The following COL8A1 variants were observed in gnomAD, a reference collection of about 807,000 sequenced individuals.
COL8A1 encodes collagen alpha-1(VIII) chain.
COL8A1 carries 21 observed loss-of-function variants against 42.7 expected under a neutral mutation model. The ratio of observed to expected loss-of-function variants is 0.49; its 90% CI spans 0.35 to 0.71. The LOEUF is 0.71. COL8A1 is among the 30% of genes least tolerant of loss of function. COL8A1 has a pLI of 0.01. For synonymous variants in COL8A1, 367 were observed against 369.1 expected (o/e 0.99, Z 0.06); for missense variants, 788 against 962.4 (o/e 0.82, Z 2.40).
intron 1 of COL8A1, among the ~76,000 whole-genome samples, chr3:99,691,217 G>A (rs1043286769): frequency 1.3e-5 from 2 of 152,260 alleles, no homozygotes; most frequent in African/African-American, 2.4e-5. Context: ...AGCCCAGAAC[G>A]CCTTCTAAGA....
chr3:99,682,550 T>C (rs1365847699), intron 1 of COL8A1, among the ~76,000 whole-genome samples: 1 of 152,064 alleles, frequency 6.6e-6, no homozygotes, highest in East Asian at 1.9e-4. Context: ...TTTTAAATCC[T>C]TATAAGGTTG....
At chr3:99,687,944 G>C (rs935007790) in intron 1 of COL8A1, among the ~76,000 whole-genome samples, 3 of 152,142 alleles carry the variant, frequency 2.0e-5, no homozygotes, top group African/African-American at 7.2e-5. Context: ...CAGCACAAGA[G>C]AGTTGGCTTA....
chr3:99,755,267 A>C lies in COL8A1; in HGVS notation c.-4+10246A>C, dbSNP rs190273529. On this transcript the variant is annotated intron_variant, in intron 2 of 3. Coordinates refer to ENST00000652472, the MANE Select transcript of COL8A1 (RefSeq NM_020351.4). Reference sequence around the variant, plus strand: ...TTGGCCCCACAATTATAGTTTAACAATCAAATCCTGAAATAAGATGACTCC... The same window carrying C: ...TTGGCCCCACAATTATAGTTTAACACTCAAATCCTGAAATAAGATGACTCC... Among the ~76,000 whole-genome samples the C allele has an allele frequency of 3.9e-5, 6 of 152,334 alleles. No individual in the cohort carries two copies. The East Asian group carries it at 5.8e-4, about 15-fold the overall frequency.
chr3:99,689,495 C>G (rs1321149965), intron 1 of COL8A1, among the ~76,000 whole-genome samples: 1 of 152,132 alleles, frequency 6.6e-6, no homozygotes, highest in African/African-American at 2.4e-5. Context: ...GCCCTGGAAC[C>G]CATTTCTTGG....
At chr3:99,771,763 C>A (rs1941585612) in intron 2 of COL8A1, among the ~76,000 whole-genome samples, 1 of 152,122 alleles carries the variant, frequency 6.6e-6, no homozygotes, top group South Asian at 2.1e-4. Flanking sequence ...CTAGGCATGG[C>A]TAGGTTTTCA....
At chr3:99,694,169 A>G (rs2107338153) in intron 1 of COL8A1, among the ~76,000 whole-genome samples, 1 of 152,264 alleles carries the variant, frequency 6.6e-6, no homozygotes, top group South Asian at 2.1e-4. Context: ...CTATCATGTG[A>G]CAGATAATTG....
chr3:99,705,278 G>A (rs141326895), intron 1 of COL8A1, among the ~76,000 whole-genome samples: 2 of 152,302 alleles, frequency 1.3e-5, no homozygotes, highest in Non-Finnish European at 2.9e-5. Context: ...TGGAGCCTCT[G>A]TTATGAATTA....
rs116761426 is a variant in COL8A1, at chr3:99,751,107, T to A, written c.-4+6086T>A. Among the ~76,000 whole-genome samples, 1,071 of 152,286 alleles carry A rather than the reference T, an allele frequency of 7.0e-3. 13 individuals carry two copies. Among genetic ancestry groups the A allele is most frequent in the African/African-American group, 0.024 (990 of 41,558 alleles). On this transcript the variant is annotated intron_variant, in intron 2 of 3. Transcript: ENST00000652472. ...TTGGTCTTATAATTTCTTTCATGAA[T>A]ACTAAAATTTTACTACAAAGAAAAT...
Position 99,790,705 on chromosome 3 carries a change from T to A in COL8A1, c.23T>A (p.Leu8Gln), listed in dbSNP as rs777846289. The part of the protein sequence containing the change: MAVLPGP[L>Q]QLLGVLLTIS... ...GTGATGGCTGTGCTGCCTGGCCCTC[T>A]GCAGCTGCTGGGAGTGCTGCTTACC... Residue 8 changes from leucine to glutamine, a missense_variant, in exon 3 of 4, where the codon CTG becomes CAG. Physicochemically the swap from Leu to Gln is moderately radical, Grantham distance 113. This residue lies in a region of COL8A1 where 421 missense variants were observed against 553.1 expected (regional missense o/e 0.76). Transcript: ENST00000652472. 55 of 1,614,052 alleles carry A rather than the reference T, an allele frequency of 3.4e-5. No individual in the cohort carries two copies. Among genetic ancestry groups the A allele is most frequent in the Non-Finnish European group, 4.3e-5 (51 of 1,180,026 alleles).
At chr3:99,733,749 G>C (rs2107388342) in intron 1 of COL8A1, among the ~76,000 whole-genome samples, 1 of 151,424 alleles carries the variant, frequency 6.6e-6, no homozygotes, top group African/African-American at 2.4e-5. Flanking sequence ...GGTTGAACTA[G>C]TTTACAGTCC....
chr3:99,719,715 G>A (rs971092436), intron 1 of COL8A1, among the ~76,000 whole-genome samples: 5 of 152,070 alleles, frequency 3.3e-5, no homozygotes, highest in African/African-American at 1.2e-4. Context: ...AAGAAAGTAT[G>A]GTGACTTCAT....
chr3:99,743,876 A>G (rs1427858436), intron 1 of COL8A1, among the ~76,000 whole-genome samples: 2 of 152,176 alleles, frequency 1.3e-5, no homozygotes, highest in African/African-American at 4.8e-5. Flanking sequence ...ATTTATCTAA[A>G]TGACTGAAGT....
At chr3:99,673,869 G>A (rs1257010891) in intron 1 of COL8A1, among the ~76,000 whole-genome samples, 7 of 151,960 alleles carry the variant, frequency 4.6e-5, no homozygotes, top group Non-Finnish European at 7.4e-5. Context: ...GAACAATAAG[G>A]ATGATGATGT....
intron 1 of COL8A1, among the ~76,000 whole-genome samples, chr3:99,667,911 G>A (rs1938415583): frequency 6.6e-6 from 1 of 151,916 alleles, no homozygotes; most frequent in African/African-American, 2.4e-5. Flanking sequence ...TAAGAAATTA[G>A]CTCCAACTGA....
intron 3 of COL8A1, among the ~76,000 whole-genome samples, chr3:99,793,250 C>G (rs1040442803): frequency 6.6e-6 from 1 of 151,340 alleles, no homozygotes; most frequent in Admixed American, 6.6e-5. Context: ...ATGTATTACA[C>G]ACTTCAAAAT....
At chr3:99,779,308 C>A (rs1014194250) in intron 2 of COL8A1, among the ~76,000 whole-genome samples, 2 of 152,106 alleles carry the variant, frequency 1.3e-5, no homozygotes, top group African/African-American at 4.8e-5. Flanking sequence ...TATTATTATT[C>A]AAGTCCCCCA....
intron 1 of COL8A1, among the ~76,000 whole-genome samples, chr3:99,734,221 G>T (rs1213103282): frequency 7.1e-6 from 1 of 141,838 alleles, no homozygotes; most frequent in Non-Finnish European, 1.5e-5. Flanking sequence ...TGAAGTCCTT[G>T]CCCATGCCTA....
At position 99,775,355 on chromosome 3, in the gene COL8A1, C is replaced by T. The variant is rs578045522; in HGVS notation, c.-3-15325C>T. 3.3e-5 allele frequency among the ~76,000 whole-genome samples: 5 copies of T among 152,178 alleles called. No individual in the cohort carries two copies. The East Asian group carries it at 9.7e-4, about 29-fold the overall frequency. On this transcript the variant is annotated intron_variant, in intron 2 of 3. Coordinates refer to ENST00000652472, the MANE Select transcript of COL8A1 (RefSeq NM_020351.4). The stretch of plus-strand genomic sequence containing the variant: ...TGGCAGGATTTGCCCCATCCATGTG[C>T]ATGTTTGGGAAGCACGAGACCCTCT...
rs144944774 is a variant in COL8A1 at position 99,709,096 on chromosome 3, C to T, written c.-128-35801C>T. On this transcript the variant is annotated intron_variant, in intron 1 of 3. Transcript: ENST00000652472. Reference sequence around the variant, plus strand: ...TCTTGGCCCTTTTTGCTCTTTCTGTCTGCCTAGACATCTTGTCCTCCAACC... The same window carrying T: ...TCTTGGCCCTTTTTGCTCTTTCTGTTTGCCTAGACATCTTGTCCTCCAACC... 5.1e-3 allele frequency among the ~76,000 whole-genome samples: 675 copies of T among 133,566 alleles called. 2 individuals are homozygous for T. The highest frequency in any genetic ancestry group is 6.8e-3 in the Admixed American group (72 of 10,600). The allele number at this position is 133,566 out of a possible 152,430, so 87.6% of individuals were successfully genotyped here.
Sources: gnomAD v4.1 joint callset for allele counts (sites outside exome capture counted in the v4.1 genomes callset) on GRCh38, gnomAD v4.1.1 for gene constraint, gnomAD v4.1.1 regional missense constraint, MANE v1.5 for transcripts, NCBI Gene and HGNC (gene_info 2026-07-23, HGNC 2026-07-21) for gene names.